HMGCLL1: variants seen among roughly 807,000 people sequenced by gnomAD.
HMGCLL1 encodes the protein 3-hydroxymethyl-3-methylglutaryl-CoA lyase, cytoplasmic.
A neutral mutation model predicts 39.1 loss-of-function variants in HMGCLL1; 36 were observed. That is an observed-to-expected ratio of 0.92 (90% CI 0.71 to 1.22). The LOEUF is 1.22. HMGCLL1 is among the 50% of genes most tolerant of loss of function. HMGCLL1 has a pLI of 0.00. For synonymous variants in HMGCLL1, 149 were observed against 144.0 expected, an observed-to-expected ratio of 1.03 and a Z score of -0.25; for missense variants, 451 against 416.5, an observed-to-expected ratio of 1.08 and a Z score of -0.72.
At chr6:55,505,898 T>C (rs1436091474) in intron 5 of HMGCLL1, among the ~76,000 whole-genome samples, 1 of 151,728 alleles carries the variant, frequency 6.6e-6, no homozygotes, top group Non-Finnish European at 1.5e-5. Flanking sequence ...TTGGAAAAGT[T>C]GCCACGTAAA....
At chr6:55,665,649 G>GGAATAAATTTATCC in the HMGCLL1 span, among the ~76,000 whole-genome samples, 1 of 151,544 alleles carries the variant, frequency 6.6e-6, no homozygotes, top group Non-Finnish European at 1.5e-5. Context: ...TTTTATCCTT[G>GGAATAAATTTATCC]TTGGAAAATT....
chr6:55,501,553 G>A (rs1766891811), intron 5 of HMGCLL1, among the ~76,000 whole-genome samples: 1 of 151,734 alleles, frequency 6.6e-6, no homozygotes, highest in Non-Finnish European at 1.5e-5. Flanking sequence ...TCTCTTATTT[G>A]ACAAGCGGCC....
At chr6:55,585,509 C>T in the HMGCLL1 span, among the ~76,000 whole-genome samples, 1 of 152,048 alleles carries the variant, frequency 6.6e-6, no homozygotes, top group African/African-American at 2.4e-5. Flanking sequence ...ATAATAAGAT[C>T]TTAATAGGTA....
the HMGCLL1 span, among the ~76,000 whole-genome samples, chr6:55,634,581 A>C: frequency 1.3e-5 from 2 of 152,174 alleles, no homozygotes; most frequent in Admixed American, 1.3e-4. Flanking sequence ...CCTGCAGTTG[A>C]GATGTCCATG....
intron 3 of HMGCLL1, among the ~76,000 whole-genome samples, chr6:55,521,348 T>C (rs1237236748): frequency 6.6e-6 from 1 of 152,086 alleles, no homozygotes; most frequent in Non-Finnish European, 1.5e-5. Context: ...AACTGTTTTT[T>C]TGTAAATAGG....
the HMGCLL1 span, among the ~76,000 whole-genome samples, chr6:55,657,775 G>C: frequency 1.3e-5 from 2 of 151,932 alleles, no homozygotes; most frequent in African/African-American, 4.8e-5. Flanking sequence ...GGTGGAGCTG[G>C]ATACCATTAT....
At chr6:55,468,617 T>C (rs6928695) in intron 7 of HMGCLL1, among the ~76,000 whole-genome samples, 105,156 of 151,754 alleles carry the variant, frequency 0.69, 37,122 homozygotes, top group African/African-American at 0.83. Context: ...AATATGTGCC[T>C]ACATTCATTT....
chr6:55,497,180 T>C (rs572143207), intron 6 of HMGCLL1, among the ~76,000 whole-genome samples: 1 of 152,160 alleles, frequency 6.6e-6, no homozygotes, highest in East Asian at 1.9e-4. Flanking sequence ...GGTCTGAATT[T>C]AAATCTCAGC....
At chr6:55,620,270 A>G in the HMGCLL1 span, among the ~76,000 whole-genome samples, 1 of 152,040 alleles carries the variant, frequency 6.6e-6, no homozygotes, top group African/African-American at 2.4e-5. Flanking sequence ...GAACCTCCAT[A>G]CTCTTCTCCA....
At chr6:55,548,274 A>G (rs2127462878) in intron 1 of HMGCLL1, among the ~76,000 whole-genome samples, 1 of 152,140 alleles carries the variant, frequency 6.6e-6, no homozygotes, top group Non-Finnish European at 1.5e-5. Flanking sequence ...GATTAAAAAC[A>G]AGCTCTAGAA....
At chr6:55,497,266 C>G (rs187005583) in intron 6 of HMGCLL1, among the ~76,000 whole-genome samples, 12 of 151,974 alleles carry the variant, frequency 7.9e-5, no homozygotes, top group East Asian at 7.8e-4. Flanking sequence ...CTTTAGAATA[C>G]AGACAACAAA....
chr6:55,495,360 A>G, intron 7 of HMGCLL1, 59 bp downstream of exon 7: 2 of 1,266,664 alleles, frequency 1.6e-6, no homozygotes, highest in Admixed American at 4.6e-5. Flanking sequence ...GTATGTTTAT[A>G]TTACAGATAA....
At chr6:55,587,919 C>A in the HMGCLL1 span, among the ~76,000 whole-genome samples, 3 of 152,086 alleles carry the variant, frequency 2.0e-5, no homozygotes, top group African/African-American at 7.2e-5. Context: ...CATTAGAGAC[C>A]TACAAAGAGA....
chr6:55,563,060 A>G (rs1771031269), intron 1 of HMGCLL1, among the ~76,000 whole-genome samples: 1 of 152,138 alleles, frequency 6.6e-6, no homozygotes, highest in Non-Finnish European at 1.5e-5. Context: ...ATATTTGGAT[A>G]TGGATAGTGT....
At chr6:55,452,322 AACAG>A (rs1408684705) in intron 7 of HMGCLL1, among the ~76,000 whole-genome samples, 19 of 152,322 alleles carry the variant, frequency 1.2e-4, no homozygotes, top group African/African-American at 4.6e-4. Context: ...CCAGACTTAG[AACAG>A]ACAAAGACAG....
the HMGCLL1 span, among the ~76,000 whole-genome samples, chr6:55,668,223 T>A: frequency 1.3e-5 from 2 of 151,886 alleles, no homozygotes; most frequent in African/African-American, 4.8e-5. Context: ...GAAAGCTGAG[T>A]TTCTGGCAAA....
chr6:55,651,130 A>G, the HMGCLL1 span, among the ~76,000 whole-genome samples: 2 of 152,066 alleles, frequency 1.3e-5, no homozygotes, highest in Non-Finnish European at 2.9e-5. Context: ...TGTAGCCACC[A>G]CACCTGCAAA....
intron 1 of HMGCLL1, among the ~76,000 whole-genome samples, chr6:55,543,410 A>AATCATATATGATATATATCATAT (rs1178258879): frequency 1.2e-5 from 1 of 80,268 alleles, no homozygotes; most frequent in African/African-American, 5.8e-5. Context: ...TATAATATAA[A>AATCATATATGATATATATCATAT]ATCATATATG....
At chr6:55,489,728 C>T (rs1447568732) in intron 7 of HMGCLL1, among the ~76,000 whole-genome samples, 1 of 151,876 alleles carries the variant, frequency 6.6e-6, no homozygotes, top group African/African-American at 2.4e-5. Context: ...AAGAAACATC[C>T]ATATCTTTAA....
Sources: allele counts gnomAD v4.1 joint callset (sites outside exome capture counted in the v4.1 genomes callset), GRCh38; gene constraint gnomAD v4.1.1; transcripts MANE v1.5; gene names NCBI Gene and HGNC (gene_info 2026-07-23, HGNC 2026-07-21).